Variants in NDEL1 observed in about 807,000 individuals in gnomAD.
NDEL1 encodes the protein nuclear distribution protein nudE-like 1.
Under a neutral mutation model 45.7 loss-of-function variants are expected in NDEL1, and 9 were observed. That is an observed-to-expected ratio of 0.20 (90% CI 0.12 to 0.34). The LOEUF (loss-of-function observed/expected upper bound fraction) is 0.34, where lower values mean the gene tolerates loss of function less well. Among genes scored for constraint, NDEL1 ranks in the 10% least tolerant of loss-of-function variants. NDEL1 has a pLI of 1.00. For synonymous variants in NDEL1, 133 were observed against 158.6 expected (o/e 0.84, Z 1.21); for missense variants, 306 against 406.2 (o/e 0.75, Z 2.12).
Position 8,435,907 on chromosome 17 carries a change from G to A in NDEL1, c.-151G>A. 2.2e-6 allele frequency: 1 copy of A among 448,308 alleles called. No homozygotes were observed. Among genetic ancestry groups the A allele is most frequent in the Non-Finnish European group, 4.5e-6 (1 of 223,480 alleles). 27.8% of individuals were successfully genotyped at this position (448,308 alleles called of 1,614,324 possible). ...GCAGTCCCTGACGTGTCGGGGAGGA[G>A]CCGGGCGCGGAGGTACGCTGAGTGG... On this transcript the variant is annotated 5_prime_UTR_variant, in exon 1 of 9. Coordinates refer to ENST00000334527, the MANE Select transcript of NDEL1 (RefSeq NM_030808.5).
chr17:8,444,111 G>C, intron 1 of NDEL1, 149 bp from the exon 2 acceptor site: 1 of 568,134 alleles, frequency 1.8e-6, no homozygotes, highest in Non-Finnish European at 3.1e-6. Context: ...AGTGATTGAC[G>C]TGCCTGAGTT....
chr17:8,421,564 G>A (rs950014841), intron 1 of NDEL1, among the ~76,000 whole-genome samples: 4 of 152,158 alleles, frequency 2.6e-5, no homozygotes, highest in Admixed American at 1.3e-4. Flanking sequence ...AACCAACGCT[G>A]CCCGACACCT....
chr17:8,438,526 T>C (rs147670766), intron 1 of NDEL1, among the ~76,000 whole-genome samples: 2 of 152,178 alleles, frequency 1.3e-5, no homozygotes, highest in African/African-American at 4.8e-5. Flanking sequence ...TTTATTTTTA[T>C]TTTTTTGGAG....
At chr17:8,453,981 C>T (rs1005428314) in intron 6 of NDEL1, among the ~76,000 whole-genome samples, 1 of 151,986 alleles carries the variant, frequency 6.6e-6, no homozygotes, top group African/African-American at 2.4e-5. Context: ...TGAGTTTTCC[C>T]TAAATGATAC....
At position 8,430,762 on chromosome 17, in the gene NDEL1, G is replaced by T. The variant is rs1908980880; in HGVS notation, c.-12-13498G>T. ...CACCTTTTTTACCACCACAAGGGCTGGTTTTATAACTTCTGTTCCCTTTCG... is the reference window on the plus strand; with the variant it reads ...CACCTTTTTTACCACCACAAGGGCTTGTTTTATAACTTCTGTTCCCTTTCG... On this transcript the variant is annotated intron_variant, in intron 1 of 4. Transcript: ENST00000582812. 2.0e-5 allele frequency among the ~76,000 whole-genome samples: 3 copies of T among 152,162 alleles called. No homozygotes were observed. In the South Asian group the frequency reaches 6.2e-4, roughly 31 times the overall value.
At chr17:8,463,199 T>G (rs919079258) in intron 8 of NDEL1, 21 of 698,200 alleles carry the variant, frequency 3.0e-5, no homozygotes, top group African/African-American at 1.3e-4. Context: ...ATGTGCTCTA[T>G]TTTTGTAAGC....
At chr17:8,450,975 T>G (rs1398529418) in intron 6 of NDEL1, 22 bp downstream of exon 6, 2 of 1,595,298 alleles carry the variant, frequency 1.3e-6, no homozygotes, top group African/African-American at 2.7e-5. Flanking sequence ...CTTTTCTTTT[T>G]GAGGCGATGT....
intron 1 of NDEL1, among the ~76,000 whole-genome samples, chr17:8,419,489 C>G (rs1208477832): frequency 6.6e-6 from 1 of 152,116 alleles, no homozygotes; most frequent in Non-Finnish European, 1.5e-5. Flanking sequence ...ATGCATTGTT[C>G]TATGACATCA....
downstream of NDEL1, among the ~76,000 whole-genome samples, chr17:8,472,742 A>G (rs1036794452): frequency 6.6e-6 from 1 of 151,630 alleles, no homozygotes; most frequent in Non-Finnish European, 1.5e-5. Flanking sequence ...GAAAATAAAT[A>G]AAAACAACAA....
chr17:8,465,131 TG>T lies in NDEL1; in HGVS notation c.945-1795del, dbSNP rs1270802987. Reference sequence around the variant, plus strand: ...ACGTGCTGAGAGCTGCAGGCATTTGTGGGGCCTGCCTGGTTGTCCCTGAGGT... The same window carrying T: ...ACGTGCTGAGAGCTGCAGGCATTTGTGGGCCTGCCTGGTTGTCCCTGAGGT... On this transcript the variant is annotated intron_variant, in intron 8 of 8. Coordinates refer to ENST00000334527, the MANE Select transcript of NDEL1 (RefSeq NM_030808.5). The surrounding 1 kb of genome is among the most constrained non-coding windows in gnomAD (Gnocchi z 4.9). 6.6e-6 allele frequency: 1 copy of T among 152,284 alleles called. No individual in the cohort carries two copies. The highest frequency in any genetic ancestry group is 1.5e-5 in the Non-Finnish European group (1 of 68,080). 9.4% of individuals were successfully genotyped at this position (152,284 alleles called of 1,614,324 possible).
intron 1 of NDEL1, among the ~76,000 whole-genome samples, chr17:8,443,032 G>A (rs190372996): frequency 3.0e-4 from 45 of 152,206 alleles, no homozygotes; most frequent in Non-Finnish European, 4.7e-4. Context: ...GCCCGCCTCG[G>A]CCTCCCAAAG....
At chr17:8,446,414 G>A (rs751020449) in intron 3 of NDEL1, among the ~76,000 whole-genome samples, 1 of 152,152 alleles carries the variant, frequency 6.6e-6, no homozygotes, top group African/African-American at 2.4e-5. Context: ...CAGGTGAAAG[G>A]TAGGGAATGT....
chr17:8,441,625 A>G (rs1414197077), intron 1 of NDEL1, among the ~76,000 whole-genome samples: 1 of 152,234 alleles, frequency 6.6e-6, no homozygotes, highest in Non-Finnish European at 1.5e-5. Flanking sequence ...TCTTTTTCTT[A>G]GTGACAGTAG....
At chr17:8,430,338 T>C (rs1908968119) in intron 1 of NDEL1, among the ~76,000 whole-genome samples, 1 of 152,196 alleles carries the variant, frequency 6.6e-6, no homozygotes, top group South Asian at 2.1e-4. Flanking sequence ...AGGTTGAAGC[T>C]GATTTTGAGA....
At chr17:8,472,050 C>G (rs1489731449), downstream of NDEL1, among the ~76,000 whole-genome samples, 1 of 150,464 alleles carries the variant, frequency 6.6e-6, no homozygotes, top group Non-Finnish European at 1.5e-5. Context: ...GGAGCCTGTT[C>G]TGGCTTTTTT....
At chr17:8,448,821 T>C (rs945492316) in intron 5 of NDEL1, 135 bp downstream of exon 5, 1 of 930,274 alleles carries the variant, frequency 1.1e-6, no homozygotes, top group Admixed American at 2.9e-5. Context: ...TTCAAAACCC[T>C]GTATATGGAG....
intron 1 of NDEL1, among the ~76,000 whole-genome samples, chr17:8,441,357 A>G (rs1409141586): frequency 6.6e-6 from 1 of 152,226 alleles, no homozygotes; most frequent in African/African-American, 2.4e-5. Flanking sequence ...GACATAAAAA[A>G]GGAGAATACA....
In NDEL1 at chr17:8,446,808, G is replaced by A; in HGVS notation, c.295G>A (p.Asp99Asn). The A allele has an allele frequency of 1.2e-6, 2 of 1,614,160 alleles. No individual in the cohort carries two copies. Among genetic ancestry groups the A allele is most frequent in the Non-Finnish European group, 8.5e-7 (1 of 1,180,032 alleles). ...QSYKQVSVLE[D>N]DLSQTRAIKE... ...CTATAAGCAGGTCTCAGTGTTAGAA[G>A]ATGATTTAAGTCAGACTCGGGCCAT... Residue 99 changes from aspartate to asparagine, a missense_variant, in exon 4 of 9, where the codon GAT (aspartate) becomes AAT (asparagine). This residue lies in a region of NDEL1 where 112 missense variants were observed against 148.3 expected (regional missense o/e 0.76). Coordinates refer to ENST00000334527, the MANE Select transcript of NDEL1 (RefSeq NM_030808.5).
Position 8,429,599 on chromosome 17 carries a change from G to A in NDEL1, c.-12-14661G>A, listed in dbSNP as rs1394038010. On this transcript the variant is annotated intron_variant, in intron 1 of 4. Coordinates refer to the NDEL1 transcript ENST00000582812. Reference sequence around the variant, plus strand: ...CAGCAGCTGCAGTGTAAAGGGCAGGGGAAGTCAACAAGATAGGCCCATAGA... The same window carrying A: ...CAGCAGCTGCAGTGTAAAGGGCAGGAGAAGTCAACAAGATAGGCCCATAGA... 9.2e-5 allele frequency among the ~76,000 whole-genome samples: 14 copies of A among 152,222 alleles called. No individual in the cohort carries two copies. In the East Asian group the frequency reaches 2.1e-3, roughly 23 times the overall value.
Sources: gnomAD v4.1 joint callset for allele counts (sites outside exome capture counted in the v4.1 genomes callset) on GRCh38, gnomAD v4.1.1 for gene constraint, gnomAD v4.1.1 regional missense constraint, Gnocchi (gnomAD v3.1) non-coding constraint, MANE v1.5 for transcripts, NCBI Gene and HGNC (gene_info 2026-07-23, HGNC 2026-07-21) for gene names.